The following ZNF536 variants were observed in gnomAD, a reference collection of about 807,000 sequenced individuals.
ZNF536 encodes the protein zinc finger protein 536.
Under a neutral mutation model 84.5 loss-of-function variants are expected in ZNF536, and 13 were observed. The observed-to-expected ratio is 0.15, with a 90% CI of 0.10 to 0.24. The LOEUF (loss-of-function observed/expected upper bound fraction) is 0.24, where lower values mean the gene tolerates loss of function less well. ZNF536 is among the 10% of genes least tolerant of loss of function. ZNF536 has a pLI of 1.00. For missense variants in ZNF536, 1,536 were observed against 1,747.5 expected (o/e 0.88, Z 2.16); for synonymous variants, 811 against 742.5 (o/e 1.09, Z -1.50).
At chr19:30,293,570 C>T (rs1438059672) in intron 2 of ZNF536, among the ~76,000 whole-genome samples, 4 of 152,154 alleles carry the variant, frequency 2.6e-5, no homozygotes, top group Non-Finnish European at 5.9e-5. Context: ...AGGCTTCACG[C>T]GGCTGCAGTG....
intron 1 of ZNF536, among the ~76,000 whole-genome samples, chr19:30,608,423 G>A (rs1167193433): frequency 6.6e-6 from 1 of 152,136 alleles, no homozygotes; most frequent in East Asian, 1.9e-4. Flanking sequence ...GGAGACTTGT[G>A]TAGGGTGATA....
chr19:30,623,888 A>G (rs1256652103), intron 1 of ZNF536, among the ~76,000 whole-genome samples: 2 of 152,228 alleles, frequency 1.3e-5, no homozygotes, highest in Non-Finnish European at 2.9e-5. Context: ...CATTTTGTAT[A>G]AATGAATGAG....
chr19:30,507,851 A>T (rs1254893821), intron 2 of ZNF536, among the ~76,000 whole-genome samples: 1 of 152,228 alleles, frequency 6.6e-6, no homozygotes, highest in Non-Finnish European at 1.5e-5. Flanking sequence ...TCATGCGCAT[A>T]CGTGATGAAC....
At chr19:30,564,487 C>A (rs1158499876) in intron 1 of ZNF536, among the ~76,000 whole-genome samples, 1 of 151,980 alleles carries the variant, frequency 6.6e-6, no homozygotes, top group Non-Finnish European at 1.5e-5. Flanking sequence ...CCTCCTGGGG[C>A]TGTAGGTGCC....
chr19:30,499,702 C>T lies in ZNF536; in HGVS notation c.2171-35145C>T, dbSNP rs1376531914. 2.6e-5 allele frequency among the ~76,000 whole-genome samples: 4 copies of T among 152,200 alleles called. No homozygotes were observed. The East Asian group carries it at 7.7e-4, about 29-fold the overall frequency. ...TTCGTGTGATTACCTTCTTTTCCTACAGCAGTTGTCTGGACTTCTCCAGAC... is the reference window on the plus strand; with the variant it reads ...TTCGTGTGATTACCTTCTTTTCCTATAGCAGTTGTCTGGACTTCTCCAGAC... On this transcript the variant is annotated intron_variant, in intron 2 of 4. Transcript: ENST00000355537.
chr19:30,706,835 C>G (rs2052255653), intron 1 of ZNF536, among the ~76,000 whole-genome samples: 1 of 152,192 alleles, frequency 6.6e-6, no homozygotes, highest in Non-Finnish European at 1.5e-5. Context: ...CAGCCTTTGT[C>G]CATGAACTGC....
chr19:30,380,538 C>G (rs78581588), intron 1 of ZNF536, among the ~76,000 whole-genome samples: 10,509 of 152,162 alleles, frequency 0.069, 1,227 homozygotes, highest in African/African-American at 0.24. Context: ...TAAATGTTAA[C>G]TTTTTTAGCA....
chr19:30,299,168 C>T (rs1275913602), intron 2 of ZNF536, among the ~76,000 whole-genome samples: 1 of 152,110 alleles, frequency 6.6e-6, no homozygotes, highest in African/African-American at 2.4e-5. Flanking sequence ...AATTATAATC[C>T]TCTGTAAATT....
chr19:30,582,088 G>T (rs1243345563), intron 1 of ZNF536, among the ~76,000 whole-genome samples: 1 of 152,178 alleles, frequency 6.6e-6, no homozygotes, highest in Non-Finnish European at 1.5e-5. Context: ...CAGAGGTGAG[G>T]CAGCTTTTGG....
chr19:30,705,860 C>T (rs2052205941), intron 1 of ZNF536, among the ~76,000 whole-genome samples: 1 of 152,140 alleles, frequency 6.6e-6, no homozygotes, highest in Non-Finnish European at 1.5e-5. Context: ...AATGTTTTGA[C>T]CAGTGAAGTA....
chr19:30,490,978 G>GAGGACCC (rs1446738384), intron 2 of ZNF536, among the ~76,000 whole-genome samples: 1 of 152,104 alleles, frequency 6.6e-6, no homozygotes, highest in Non-Finnish European at 1.5e-5. Flanking sequence ...GGCAGGCACT[G>GAGGACCC]AGGACCCGGG....
intron 1 of ZNF536, among the ~76,000 whole-genome samples, chr19:30,708,137 C>G (rs1279176971): frequency 2.0e-5 from 3 of 152,060 alleles, no homozygotes; most frequent in African/African-American, 7.2e-5. Flanking sequence ...ATTCATAACA[C>G]TGAGATGGTC....
intron 2 of ZNF536, among the ~76,000 whole-genome samples, chr19:30,461,816 G>A (rs2053150846): frequency 6.6e-6 from 1 of 152,186 alleles, no homozygotes; most frequent in Non-Finnish European, 1.5e-5. Flanking sequence ...TGGGGAGATG[G>A]CCTGCATGTG....
chr19:30,339,051 G>A (rs1183106957), intron 2 of ZNF536, among the ~76,000 whole-genome samples: 1 of 152,160 alleles, frequency 6.6e-6, no homozygotes. Flanking sequence ...CCGTAGCTAA[G>A]TAACCCTGGC....
At chr19:30,686,583 T>C (rs1332431427) in intron 1 of ZNF536, among the ~76,000 whole-genome samples, 1 of 152,208 alleles carries the variant, frequency 6.6e-6, no homozygotes, top group Admixed American at 6.5e-5. Context: ...CAGCCTGCTC[T>C]TCGTCCTCCC....
chr19:30,467,158 G>T (rs937616834), intron 2 of ZNF536, among the ~76,000 whole-genome samples: 2 of 152,104 alleles, frequency 1.3e-5, no homozygotes, highest in Non-Finnish European at 2.9e-5. Flanking sequence ...TTAAGAGCAC[G>T]ATTTGTGGTA....
intron 1 of ZNF536, among the ~76,000 whole-genome samples, chr19:30,410,406 T>G (rs2050429892): frequency 6.6e-6 from 1 of 151,340 alleles, no homozygotes; most frequent in African/African-American, 2.4e-5. Context: ...CTTTGAAATT[T>G]ATAAATAAAA....
At chr19:30,683,014 G>T (rs2051036680) in intron 1 of ZNF536, among the ~76,000 whole-genome samples, 1 of 152,226 alleles carries the variant, frequency 6.6e-6, no homozygotes, top group African/African-American at 2.4e-5. Flanking sequence ...AGGCTTAGCT[G>T]AAATGTGCCA....
chr19:30,665,324 CAA>C (rs1467546202), intron 1 of ZNF536: 1 of 152,116 alleles, frequency 6.6e-6, no homozygotes, highest in Non-Finnish European at 1.5e-5. Context: ...GCCTGGGCAA[CAA>C]GAGTGAAACT....
Sources: gnomAD v4.1 joint callset for allele counts (sites outside exome capture counted in the v4.1 genomes callset) on GRCh38, gnomAD v4.1.1 for gene constraint, MANE v1.5 for transcripts, NCBI Gene and HGNC (gene_info 2026-07-23, HGNC 2026-07-21) for gene names.